ZNF565: variants seen among roughly 807,000 people sequenced by gnomAD.
ZNF565 encodes zinc finger protein 565.
Under a neutral mutation model 39.4 loss-of-function variants are expected in ZNF565, and 27 were observed. The ratio of observed to expected loss-of-function variants is 0.69; its 90% CI spans 0.51 to 0.95. The LOEUF is 0.95. Ranked by LOEUF, ZNF565 falls within the 40% of genes least tolerant of loss-of-function variation. The probability of loss-of-function intolerance (pLI) is 0.00; values close to 1 mark genes in which losing one functional copy is unlikely to be tolerated. For missense variants in ZNF565, 524 were observed against 621.1 expected (o/e 0.84, Z 1.66); for synonymous variants, 185 against 216.6 (o/e 0.85, Z 1.28).
At chr19:36,199,649 GGTGGCATGCCA>G (rs1306027029) in intron 2 of ZNF565, among the ~76,000 whole-genome samples, 1 of 151,830 alleles carries the variant, frequency 6.6e-6, no homozygotes, top group Non-Finnish European at 1.5e-5. Context: ...TGGGACTACA[GGTGGCATGCCA>G]CTGCACCTGG....
At chr19:36,221,025 G>C (rs1976812936) in intron 1 of ZNF565, among the ~76,000 whole-genome samples, 1 of 151,394 alleles carries the variant, frequency 6.6e-6, no homozygotes, top group African/African-American at 2.4e-5. Context: ...GCTAATTTTT[G>C]TATTTCTAGT....
At chr19:36,223,673 TCTTTTA>T (rs1976955480) in intron 1 of ZNF565, among the ~76,000 whole-genome samples, 1 of 29,098 alleles carries the variant, frequency 3.4e-5, no homozygotes, top group Non-Finnish European at 6.3e-5. Flanking sequence ...GATTCATCAG[TCTTTTA>T]TGGTTATCAG....
intron 1 of ZNF565, among the ~76,000 whole-genome samples, chr19:36,203,739 CTGA>C (rs1976051656): frequency 6.6e-6 from 1 of 152,032 alleles, no homozygotes; most frequent in African/African-American, 2.4e-5. Flanking sequence ...CTACGCCTGG[CTGA>C]TTTTTTGTAT....
chr19:36,191,008 A>T (rs1375819858), intron 4 of ZNF565, among the ~76,000 whole-genome samples: 1 of 150,970 alleles, frequency 6.6e-6, no homozygotes, highest in Admixed American at 6.6e-5. Flanking sequence ...AAAAAAAAAA[A>T]AACACATAAA....
chr19:36,192,760 C>T (rs547579483), intron 4 of ZNF565, among the ~76,000 whole-genome samples: 1 of 151,734 alleles, frequency 6.6e-6, no homozygotes, highest in East Asian at 2.0e-4. Flanking sequence ...CCTTGGCCTC[C>T]CAAAGTGCTG....
intron 2 of ZNF565, among the ~76,000 whole-genome samples, chr19:36,199,506 C>T (rs1176741321): frequency 7.8e-6 from 1 of 128,950 alleles, no homozygotes; most frequent in East Asian, 2.3e-4. Flanking sequence ...CTTTCTTTCT[C>T]TTTTTTTTTT....
At chr19:36,185,905 G>C (rs1041599389) in intron 4 of ZNF565, among the ~76,000 whole-genome samples, 2 of 151,618 alleles carry the variant, frequency 1.3e-5, no homozygotes, top group Admixed American at 6.6e-5. Context: ...TGTTGGCCAG[G>C]CTGGTCTCAA....
At chr19:36,218,477 T>C (rs950093761), upstream of ZNF565, among the ~76,000 whole-genome samples, 1 of 147,902 alleles carries the variant, frequency 6.8e-6, no homozygotes, top group Admixed American at 6.8e-5. Flanking sequence ...TAATATTTCT[T>C]TTTTTTTTTT....
At chr19:36,227,405 G>C (rs564454249) in intron 1 of ZNF565, among the ~76,000 whole-genome samples, 31 of 140,716 alleles carry the variant, frequency 2.2e-4, no homozygotes, top group Admixed American at 2.1e-4. Flanking sequence ...AAAAAAAAAA[G>C]ATTTTTTTTT....
At chr19:36,229,495 C>T (rs188538935) in intron 1 of ZNF565, among the ~76,000 whole-genome samples, 1 of 152,324 alleles carries the variant, frequency 6.6e-6, no homozygotes, top group East Asian at 1.9e-4. Context: ...TAACTCTTGA[C>T]TCTTAGTCCT....
chr19:36,245,585 A>G lies in ZNF565; in HGVS notation c.-55T>C, dbSNP rs2029892132. On this transcript the variant is annotated 5_prime_UTR_variant, in exon 1 of 5. Coordinates refer to the ZNF565 transcript ENST00000355114. The surrounding 1 kb of genome is among the most constrained non-coding windows in gnomAD (Gnocchi z 4.4). ...TCCCAGGGTCCACCGCGGATCTAGGAGGAGGCTTGAGATGCAGCCTCCCAG... is the reference window on the plus strand; with the variant it reads ...TCCCAGGGTCCACCGCGGATCTAGGGGGAGGCTTGAGATGCAGCCTCCCAG... 1.4e-6 allele frequency: 1 copy of G among 701,996 alleles called. No homozygotes were observed. The allele number at this position is 701,996 out of a possible 1,614,324, so 43.5% of individuals were successfully genotyped here.
chr19:36,215,655 G>C (rs144243270), upstream of ZNF565, among the ~76,000 whole-genome samples: 1 of 151,982 alleles, frequency 6.6e-6, no homozygotes, highest in African/African-American at 2.4e-5. Flanking sequence ...GCAAATCACC[G>C]TGACTTTTTT....
chr19:36,219,979 T>C lies in ZNF565; in HGVS notation c.56-17929A>G, dbSNP rs150716548. ...AAACATCATCCTAAAGTTGTGTATA[T>C]TTAGCGTGTTCTAGAATCAGCTGCA... On this transcript the variant is annotated intron_variant, in intron 1 of 4. Transcript: ENST00000355114. 1.4e-3 allele frequency among the ~76,000 whole-genome samples: 206 copies of C among 152,320 alleles called. 1 individual carries two copies. The highest frequency in any genetic ancestry group is 4.5e-3 in the African/African-American group (188 of 41,578).
At chr19:36,242,899 TTCA>T (rs1977823125) in intron 1 of ZNF565, among the ~76,000 whole-genome samples, 1 of 152,230 alleles carries the variant, frequency 6.6e-6, no homozygotes, top group African/African-American at 2.4e-5. Flanking sequence ...CCCCTGATAA[TTCA>T]TCACATTTTC....
chr19:36,225,759 T>TC, intron 1 of ZNF565, among the ~76,000 whole-genome samples: 1 of 142,458 alleles, frequency 7.0e-6, no homozygotes, highest in African/African-American at 2.6e-5. Context: ...ATTCTTTTTT[T>TC]TTTTTTTTTT....
intron 2 of ZNF565, among the ~76,000 whole-genome samples, chr19:36,198,880 G>T (rs199728926): frequency 1.3e-5 from 2 of 152,128 alleles, no homozygotes; most frequent in Non-Finnish European, 2.9e-5. Context: ...GATTACAGGC[G>T]TGAGCCACCA....
At position 36,183,443 on chromosome 19, in the gene ZNF565, C is replaced by G; in HGVS notation, c.523G>C (p.Ala175Pro). 1 of 1,614,196 alleles carries G rather than the reference C, an allele frequency of 6.2e-7. No homozygotes were observed. Among genetic ancestry groups the G allele is most frequent in the African/African-American group, 1.3e-5 (1 of 75,064 alleles). The change falls in exon 5 of 5, where the codon GCA (alanine) becomes CCA (proline). Residue 175 changes from alanine (A) to proline (P), a missense_variant. Ala to Pro is a conservative substitution (Grantham distance 27, BLOSUM62 -1). Coordinates refer to ENST00000304116, the MANE Select transcript of ZNF565 (RefSeq NM_152477.5). Reference protein sequence around the residue: ...KLMECHECGKAFSRGSHLIQH... With the variant: ...KLMECHECGKPFSRGSHLIQH... Reference sequence around the variant, plus strand: ...ATAAGGTGTGAGCCACGGCTAAATGCTTTCCCACATTCATGACATTCCATC... The same window carrying G: ...ATAAGGTGTGAGCCACGGCTAAATGGTTTCCCACATTCATGACATTCCATC...
intron 3 of ZNF565, chr19:36,194,555 T>G: frequency 2.0e-6 from 1 of 497,142 alleles, no homozygotes; most frequent in Non-Finnish European, 3.6e-6. Context: ...CCCTAGAAAT[T>G]CATAATGAAG....
intron 4 of ZNF565, among the ~76,000 whole-genome samples, chr19:36,188,999 A>T (rs1008286161): frequency 2.0e-5 from 3 of 152,196 alleles, no homozygotes; most frequent in Admixed American, 6.6e-5. Context: ...CAAAAAGTAG[A>T]ACAGAGGTGA....
Sources: allele counts gnomAD v4.1 joint callset (sites outside exome capture counted in the v4.1 genomes callset), GRCh38; gene constraint gnomAD v4.1.1; non-coding constraint Gnocchi (gnomAD v3.1); transcripts MANE v1.5; gene names NCBI Gene and HGNC (gene_info 2026-07-23, HGNC 2026-07-21).